MROH7: variants seen among roughly 807,000 people sequenced by gnomAD.
MROH7 encodes the protein maestro heat-like repeat-containing protein family member 7.
Under a neutral mutation model 129.2 loss-of-function variants are expected in MROH7, and 113 were observed. The observed-to-expected ratio is 0.87, with a 90% CI of 0.75 to 1.02. MROH7 has a LOEUF of 1.02. Ranked by LOEUF, MROH7 falls within the 50% of genes least tolerant of loss-of-function variation. The probability of loss-of-function intolerance (pLI) is 0.00; values close to 1 mark genes in which losing one functional copy is unlikely to be tolerated. For synonymous variants in MROH7, 655 were observed against 667.9 expected (o/e 0.98, Z 0.30); for missense variants, 1,601 against 1,671.3 (o/e 0.96, Z 0.73).
intron 11 of MROH7, among the ~76,000 whole-genome samples, 187 bp downstream of exon 11, chr1:54,679,041 T>C (rs749088797): frequency 6.6e-6 from 1 of 152,216 alleles, no homozygotes; most frequent in Non-Finnish European, 1.5e-5. Context: ...CCTTCTCCCT[T>C]ACGCATGTCA....
intron 1 of MROH7, among the ~76,000 whole-genome samples, chr1:54,643,315 G>A (rs1644415808): frequency 6.6e-6 from 1 of 152,140 alleles, no homozygotes; most frequent in Admixed American, 6.6e-5. Flanking sequence ...ATAGTCTTGG[G>A]GAAGTTTATA....
At chr1:54,681,195 C>T (rs982014208) in intron 13 of MROH7, among the ~76,000 whole-genome samples, 34 of 152,188 alleles carry the variant, frequency 2.2e-4, no homozygotes. Context: ...AGTTGGCACC[C>T]TGGATGCCTC....
chr1:54,682,230 T>C (rs1194801748), intron 13 of MROH7, among the ~76,000 whole-genome samples: 2 of 150,994 alleles, frequency 1.3e-5, no homozygotes, highest in African/African-American at 4.9e-5. Flanking sequence ...GCTGGCGTGA[T>C]CTTGGTTCAC....
intron 7 of MROH7, 121 bp from the exon 8 acceptor site, chr1:54,672,970 C>A: frequency 1.5e-6 from 1 of 650,364 alleles, no homozygotes. Flanking sequence ...AGAGGTGGGA[C>A]CAGAAAGCAG....
At position 54,652,860 on chromosome 1, in the gene MROH7, C is replaced by G; in HGVS notation, c.-67C>G. ...TCTTTTCTCTCTCTCAAGACTGCTG[C>G]TGGGAATGTGACAGTTGGCTGTTGG... On this transcript the variant is annotated 5_prime_UTR_variant, in exon 3 of 24. Coordinates refer to ENST00000421030, the MANE Select transcript of MROH7 (RefSeq NM_001039464.4). 2.0e-6 allele frequency: 3 copies of G among 1,517,544 alleles called. No homozygotes were observed. In the South Asian group the frequency reaches 4.0e-5, roughly 20 times the overall value. The allele number at this position is 1,517,544 out of a possible 1,614,324, so 94.0% of individuals were successfully genotyped here.
chr1:54,685,160 G>C (rs979371425), intron 14 of MROH7, among the ~76,000 whole-genome samples: 8 of 152,056 alleles, frequency 5.3e-5, no homozygotes, highest in Non-Finnish European at 8.8e-5. Flanking sequence ...GGGACTACAG[G>C]CACCCGCCAC....
At chr1:54,688,477 G>A (rs1263290273) in intron 15 of MROH7, among the ~76,000 whole-genome samples, 3 of 152,146 alleles carry the variant, frequency 2.0e-5, no homozygotes, top group Admixed American at 2.0e-4. Flanking sequence ...ACAGAAAGGT[G>A]CATTTAGAGA....
chr1:54,673,660 C>T (rs1360028744), intron 8 of MROH7, 41 bp from the exon 9 acceptor site: 2 of 1,495,418 alleles, frequency 1.3e-6, no homozygotes, highest in Non-Finnish European at 1.9e-6. Flanking sequence ...CAGGGGCTGT[C>T]ATCTAACCTG....
intron 5 of MROH7, among the ~76,000 whole-genome samples, chr1:54,669,749 C>T (rs1644865561): frequency 6.6e-6 from 1 of 152,134 alleles, no homozygotes; most frequent in Admixed American, 6.5e-5. Context: ...TCTGTAATCC[C>T]AGCATTTTGG....
chr1:54,653,841 C>T lies in MROH7; in HGVS notation c.915C>T (p.Ser305=), dbSNP rs754009859. ...ASYVTLIPGS[S]YGISLHSSTH... ...ATGTGACCCTGATTCCTGGCTCCAGCTATGGTATCAGCCTGCACTCCAGCA... is the reference window on the plus strand; with the variant it reads ...ATGTGACCCTGATTCCTGGCTCCAGTTATGGTATCAGCCTGCACTCCAGCA... Residue 305 remains serine (S), a synonymous_variant, in exon 3 of 24, where the codon AGC becomes AGT. Transcript: ENST00000421030. The T allele has an allele frequency of 2.3e-5, 37 of 1,613,998 alleles. 1 individual carries two copies. Among genetic ancestry groups the T allele is most frequent in the Middle Eastern group, 1.6e-4 (1 of 6,084 alleles).
intron 3 of MROH7, among the ~76,000 whole-genome samples, chr1:54,655,567 A>G (rs1204427592): frequency 6.6e-6 from 1 of 151,232 alleles, no homozygotes; most frequent in African/African-American, 2.4e-5. Context: ...TTTTGTAGAG[A>G]TGGGGCCTTG....
intron 15 of MROH7, among the ~76,000 whole-genome samples, chr1:54,690,545 GCCATTCTCCTGCCTCAGCCTC>G (rs986774021): frequency 5.4e-5 from 8 of 147,964 alleles, no homozygotes; most frequent in African/African-American, 1.5e-4. Flanking sequence ...CCGGGTTCAC[GCCATTCTCCTGCCTCAGCCTC>G]CCGAGTAGCT....
chr1:54,694,698 A>G (rs112187473), intron 16 of MROH7, among the ~76,000 whole-genome samples: 2,316 of 152,170 alleles, frequency 0.015, 50 homozygotes, highest in African/African-American at 0.054. Context: ...TCAAACTCCC[A>G]ACCTCAAATG....
chr1:54,688,425 A>G (rs1557718275), intron 15 of MROH7, among the ~76,000 whole-genome samples: 2 of 151,874 alleles, frequency 1.3e-5, no homozygotes, highest in Admixed American at 1.3e-4. Context: ...TGTGACTCGT[A>G]TTGTTATGAT....
chr1:54,645,992 G>A (rs1418399015), intron 1 of MROH7, among the ~76,000 whole-genome samples: 3 of 152,180 alleles, frequency 2.0e-5, no homozygotes, highest in East Asian at 3.8e-4. Flanking sequence ...GCACTGTTCC[G>A]TACTCTGACA....
In MROH7 at chr1:54,668,910, AAAG is replaced by A. The variant is rs747407737; in HGVS notation, c.1367_1369del (p.Lys456del). 2 of 1,614,032 alleles carry A rather than the reference AAAG, an allele frequency of 1.2e-6. No homozygotes were observed. The highest frequency in any genetic ancestry group is 1.3e-5 in the African/African-American group (1 of 75,030). Reference sequence around the variant, plus strand: ...AGGATCTGCTGGAGGCAGAAGGAGAAAAGAAGACCATGATAAAGAAGATTATGG... The same window carrying A: ...AGGATCTGCTGGAGGCAGAAGGAGAAAAGACCATGATAAAGAAGATTATGG... On this transcript the variant is annotated inframe_deletion, in exon 5 of 24. Transcript: ENST00000421030.
At position 54,706,304 on chromosome 1, in the gene MROH7, G is replaced by C. The variant is rs549437210; in HGVS notation, c.3565-131G>C. The C allele has an allele frequency of 1.0e-4, 69 of 682,874 alleles. No homozygotes were observed. In the Admixed American group the frequency reaches 1.0e-3, roughly 10 times the overall value. 42.3% of individuals were successfully genotyped at this position (682,874 alleles called of 1,614,324 possible). ...AGGAGATAAGCCCTGGCCTGTGGGGGACTCATGCAGAGGGAGCAGATATAT... is the reference window on the plus strand; with the variant it reads ...AGGAGATAAGCCCTGGCCTGTGGGGCACTCATGCAGAGGGAGCAGATATAT... On this transcript the variant is annotated intron_variant, in intron 21 of 23. Transcript: ENST00000421030.
In MROH7 at chr1:54,699,170, T is replaced by TC. The variant is rs1491269733; in HGVS notation, c.2965-1150dup. On this transcript the variant is annotated intron_variant, in intron 17 of 23. Coordinates refer to ENST00000421030, the MANE Select transcript of MROH7 (RefSeq NM_001039464.4). The stretch of plus-strand genomic sequence containing the variant: ...TCTTTCTTTCTTTCTTTTCTTTCTT[T>TC]CTTTCTTTCTTTCTTTCTCTTTCTT... The TC allele has an allele frequency of 1.5e-5, 2 of 132,704 alleles. 1 individual carries two copies. The highest frequency in any genetic ancestry group is 5.8e-5 in the African/African-American group (2 of 34,246). 8.2% of individuals were successfully genotyped at this position (132,704 alleles called of 1,614,324 possible). A position where few individuals can be genotyped will look rare whatever the true frequency, so the allele number is the denominator to read the frequency against.
At chr1:54,688,981 G>A (rs1645193008) in intron 15 of MROH7, among the ~76,000 whole-genome samples, 2 of 152,238 alleles carry the variant, frequency 1.3e-5, no homozygotes, top group African/African-American at 4.8e-5. Flanking sequence ...CAGCCTGAGA[G>A]GCAGAAAAAG....
Sources: gnomAD v4.1 joint callset for allele counts (sites outside exome capture counted in the v4.1 genomes callset) on GRCh38, gnomAD v4.1.1 for gene constraint, MANE v1.5 for transcripts, NCBI Gene and HGNC (gene_info 2026-07-23, HGNC 2026-07-21) for gene names.